Variants in ZNF75D observed in about 807,000 individuals in gnomAD.
ZNF75D encodes the protein zinc finger protein 75.
Under a neutral mutation model 33.3 loss-of-function variants are expected in ZNF75D, and 33 were observed. The observed-to-expected ratio is 0.99, with a 90% CI of 0.75 to 1.32. The LOEUF (loss-of-function observed/expected upper bound fraction) is 1.32. ZNF75D is among the 40% of genes most tolerant of loss of function. The pLI, the probability that ZNF75D is intolerant of heterozygous loss-of-function variation, is 0.00. For synonymous variants in ZNF75D, 113 were observed against 130.6 expected (o/e 0.87, Z 0.92); for missense variants, 338 against 367.5 (o/e 0.92, Z 0.66).
Position 135,342,095 on chromosome X carries a change from TTC to T in ZNF75D, c.-720_-719del, listed in dbSNP as rs1556445049. ...TTAGTTCACAGGGATCTTATCACCT[TTC>T]TCTTTCACAAGACAACACACTAGTC... On this transcript the variant is annotated 5_prime_UTR_variant, in exon 1 of 7. Coordinates refer to ENST00000370766, the MANE Select transcript of ZNF75D (RefSeq NM_007131.5). 8.9e-6 allele frequency: 1 copy of T among 112,175 alleles called. No individual in the cohort carries two copies. The highest frequency in any genetic ancestry group is 1.9e-5 in the Non-Finnish European group (1 of 53,249). 9.2% of individuals were successfully genotyped at this position (112,175 alleles called of 1,213,427 possible). A position where few individuals can be genotyped will look rare whatever the true frequency, so the allele number is the denominator to read the frequency against.
At chrX:135,279,255 G>A (rs1254085141) in intron 1 of ZNF75D, among the ~76,000 whole-genome samples, 1 of 111,815 alleles carries the variant, frequency 8.9e-6, no homozygotes. Flanking sequence ...ATTTCTTCTA[G>A]ATTTTGTTGT....
At chrX:135,327,621 A>G (rs781901188) in intron 1 of ZNF75D, 1 of 112,206 alleles carries the variant, frequency 8.9e-6, no homozygotes, top group Admixed American at 9.4e-5. Context: ...CTAGACACTC[A>G]GTTATCTTGG....
intron 1 of ZNF75D, among the ~76,000 whole-genome samples, chrX:135,256,623 C>T (rs569561088): frequency 4.5e-5 from 5 of 111,621 alleles, no homozygotes; most frequent in Middle Eastern, 4.6e-3. Flanking sequence ...AACCAGTGAA[C>T]TCAGGTGGCA....
intron 1 of ZNF75D, among the ~76,000 whole-genome samples, chrX:135,262,177 G>A (rs962583142): frequency 1.2e-4 from 13 of 112,016 alleles, no homozygotes; most frequent in Middle Eastern, 9.2e-3. Flanking sequence ...TAGTCTGATG[G>A]GCTTCCCTTT....
rs1208466297 is a variant in ZNF75D at position 135,292,008 on chromosome X, G to A, written c.604+273C>T. Among the ~76,000 whole-genome samples, 104 of 111,784 alleles carry A rather than the reference G, an allele frequency of 9.3e-4. No individual in the cohort carries two copies. In the Admixed American group the frequency reaches 9.8e-3, roughly 11 times the overall value. ...TTTTCCTACAACTTATGAGAGGGAG[G>A]TGGCCCCACCTGTCCCTGTTCCATC... is the stretch of plus-strand genomic sequence containing the variant. On this transcript the variant is annotated intron_variant, in intron 4 of 6. Transcript: ENST00000370766.
At chrX:135,258,245 G>A (rs987229609) in intron 1 of ZNF75D, among the ~76,000 whole-genome samples, 5 of 106,667 alleles carry the variant, frequency 4.7e-5, no homozygotes, top group Admixed American at 1.0e-4. Context: ...GAATAGTGCT[G>A]CAATAAACAT....
chrX:135,339,502 G>A (rs1302795808), intron 1 of ZNF75D, among the ~76,000 whole-genome samples: 1 of 112,018 alleles, frequency 8.9e-6, no homozygotes, highest in Non-Finnish European at 1.9e-5. Context: ...ACTGAGGGCA[G>A]GTCTCACTCC....
At chrX:135,281,072 C>T (rs782583247), downstream of ZNF75D, among the ~76,000 whole-genome samples, 62 of 111,399 alleles carry the variant, frequency 5.6e-4, no homozygotes, top group Non-Finnish European at 9.8e-4. Flanking sequence ...GGATAATATC[C>T]TGAAGAGTGT....
intron 1 of ZNF75D, chrX:135,309,660 A>G (rs1402275252): frequency 3.4e-6 from 1 of 295,642 alleles, no homozygotes; most frequent in African/African-American, 2.7e-5. Context: ...GCTGCCATAA[A>G]GCAACTCCAG....
downstream of ZNF75D, among the ~76,000 whole-genome samples, chrX:135,283,296 T>A (rs2083927562): frequency 9.0e-6 from 1 of 111,580 alleles, no homozygotes; most frequent in Admixed American, 9.5e-5. Flanking sequence ...GAACCCACAA[T>A]GGTAGGAAGG....
At position 135,287,695 on chromosome X, in the gene ZNF75D, A is replaced by T. The variant is rs2083975269; in HGVS notation, c.975T>A (p.Ser325Arg). 8.3e-7 allele frequency: 1 copy of T among 1,211,402 alleles called. No individual in the cohort carries two copies. Among genetic ancestry groups the T allele is most frequent in the Non-Finnish European group, 1.1e-6 (1 of 895,390 alleles). The stretch of plus-strand genomic sequence containing the variant: ...GAAAAGCTCGATGCCATTTCTGTAC[A>T]CTGTGTGTATCACCAGGATTTTCCC... ...MGRENPGDTH[S>R]VQKWHRAFPR... Residue 325 changes from serine (S) to arginine (R), a missense_variant, in exon 7 of 7, where the codon AGT becomes AGA. By Grantham distance (110) the Ser-to-Arg change is moderately radical. Around this residue, in one of 3 missense-constraint regions of ZNF75D, gnomAD observed 254 missense variants for 267.7 expected, o/e 0.95. Coordinates refer to ENST00000370766, the MANE Select transcript of ZNF75D (RefSeq NM_007131.5).
At chrX:135,311,986 A>G (rs1468852609) in intron 1 of ZNF75D, among the ~76,000 whole-genome samples, 3 of 111,846 alleles carry the variant, frequency 2.7e-5, no homozygotes, top group Non-Finnish European at 5.6e-5. Context: ...TATCATTTCT[A>G]TCTGTTGGGA....
chrX:135,303,199 A>G (rs782752976), intron 1 of ZNF75D, among the ~76,000 whole-genome samples: 39 of 110,029 alleles, frequency 3.5e-4, no homozygotes, highest in African/African-American at 1.2e-3. Context: ...GCCCAGGGAC[A>G]GGCAGGAGAC....
intron 3 of ZNF75D, among the ~76,000 whole-genome samples, chrX:135,293,318 G>A (rs1017517238): frequency 4.5e-5 from 5 of 111,022 alleles, no homozygotes; most frequent in African/African-American, 1.3e-4. Context: ...CCCCAGAGCC[G>A]CTTGATTCAT....
At chrX:135,258,305 A>G (rs1252693878) in intron 1 of ZNF75D, among the ~76,000 whole-genome samples, 1 of 110,470 alleles carries the variant, frequency 9.1e-6, no homozygotes, top group Non-Finnish European at 1.9e-5. Context: ...CTTTGGGTAT[A>G]TACCCAGTAA....
chrX:135,339,817 T>C lies in ZNF75D; in HGVS notation c.-391+1951A>G, dbSNP rs374654572. Among the ~76,000 whole-genome samples, 303 of 111,695 alleles carry C rather than the reference T, an allele frequency of 2.7e-3. 1 individual carries two copies. The highest frequency in any genetic ancestry group is 9.5e-3 in the African/African-American group (291 of 30,690). Reference sequence around the variant, plus strand: ...CCCTCCTATGGGTCAGATATCAGCATCTATATCTCTCCGAAAGATTTGAGG... The same window carrying C: ...CCCTCCTATGGGTCAGATATCAGCACCTATATCTCTCCGAAAGATTTGAGG... On this transcript the variant is annotated intron_variant, in intron 1 of 6. Transcript: ENST00000370766.
At position 135,287,021 on chromosome X, in the gene ZNF75D, G is replaced by A; in HGVS notation, c.*116C>T. 1 of 603,602 alleles carries A rather than the reference G, an allele frequency of 1.7e-6. No individual in the cohort carries two copies. The highest frequency in any genetic ancestry group is 2.6e-6 in the Non-Finnish European group (1 of 383,499). 49.7% of individuals were successfully genotyped at this position (603,602 alleles called of 1,213,427 possible). On this transcript the variant is annotated 3_prime_UTR_variant, in exon 7 of 7. Coordinates refer to ENST00000370766, the MANE Select transcript of ZNF75D (RefSeq NM_007131.5). ...GACAGCTTAGATTCCTTTTTGTGAA[G>A]TGTAACATGTACCCTTCCCAAATGT... is the stretch of plus-strand genomic sequence containing the variant.
At chrX:135,258,283 T>C (rs782124333) in intron 1 of ZNF75D, among the ~76,000 whole-genome samples, 40 of 109,924 alleles carry the variant, frequency 3.6e-4, no homozygotes, top group African/African-American at 1.2e-3. Flanking sequence ...TATAGTAGCA[T>C]GATTTATAAT....
intron 1 of ZNF75D, 137 bp downstream of exon 1, chrX:135,341,631 G>A (rs1291115594): frequency 1.8e-5 from 2 of 112,538 alleles, no homozygotes; most frequent in African/African-American, 3.2e-5. Context: ...GTAGGAAAAC[G>A]CAAGTGGAAG....
Sources: allele counts gnomAD v4.1 joint callset (sites outside exome capture counted in the v4.1 genomes callset), GRCh38; gene constraint gnomAD v4.1.1; regional missense constraint gnomAD v4.1.1; transcripts MANE v1.5; gene names NCBI Gene and HGNC (gene_info 2026-07-23, HGNC 2026-07-21).